The following LNPEP variants were observed in gnomAD, a reference collection of about 807,000 sequenced individuals.
LNPEP encodes leucyl and cystinyl aminopeptidase.
In LNPEP, 64 loss-of-function variants were observed where a neutral mutation model predicts 120.6. That is an observed-to-expected ratio of 0.53 (90% confidence interval 0.43 to 0.65). LNPEP has a LOEUF of 0.65. LNPEP is among the 30% of genes least tolerant of loss of function. LNPEP has a pLI of 0.00. For synonymous variants in LNPEP, 435 were observed against 425.4 expected, an observed-to-expected ratio of 1.02 and a Z score of -0.28; for missense variants, 1,057 against 1,200.0, an observed-to-expected ratio of 0.88 and a Z score of 1.76.
chr5:96,937,346 C>CT (rs1355787633), intron 1 of LNPEP: 1 of 152,178 alleles, frequency 6.6e-6, no homozygotes, highest in Non-Finnish European at 1.5e-5. Context: ...ATGTAGAATG[C>CT]TTTATTCTAC....
chr5:97,004,264 C>T (rs1356607235), intron 9 of LNPEP, among the ~76,000 whole-genome samples: 2 of 152,140 alleles, frequency 1.3e-5, no homozygotes, highest in Non-Finnish European at 2.9e-5. Flanking sequence ...CCTGTAATCC[C>T]AGCACTTTGG....
rs755344838 is a variant in LNPEP, at chr5:97,013,758, T to C, written c.2146T>C (p.Leu716=). 25 of 1,612,226 alleles carry C rather than the reference T, an allele frequency of 1.6e-5. No homozygotes were observed. Among genetic ancestry groups the C allele is most frequent in the Non-Finnish European group, 2.1e-5 (25 of 1,178,914 alleles). The change falls in exon 12 of 18, where the codon TTG becomes CTG. Residue 716 remains leucine (L), a synonymous_variant. Transcript: ENST00000231368. ...TGATTGGGAAGCACTAATCCATCAG[T>C]TGAAAATAAATCCTTATGTTCTGAG... is the stretch of plus-strand genomic sequence containing the variant. ...DDDWEALIHQ[L]KINPYVLSDK...
At chr5:96,947,100 A>G (rs1789202354) in intron 1 of LNPEP, among the ~76,000 whole-genome samples, 1 of 152,198 alleles carries the variant, frequency 6.6e-6, no homozygotes, top group South Asian at 2.1e-4. Context: ...AGATCTTGTG[A>G]AAGTATTTGC....
At chr5:96,950,482 CA>C (rs1198606050) in intron 1 of LNPEP, among the ~76,000 whole-genome samples, 4 of 152,236 alleles carry the variant, frequency 2.6e-5, no homozygotes, top group Non-Finnish European at 5.9e-5. Context: ...ATGGGTCCCA[CA>C]AGCTTTCATG....
In LNPEP at chr5:97,006,128, A is replaced by G; in HGVS notation, c.1841A>G (p.Lys614Arg). 2 of 1,596,570 alleles carry G rather than the reference A, an allele frequency of 1.3e-6. No homozygotes were observed. The highest frequency in any genetic ancestry group is 1.7e-6 in the Non-Finnish European group (2 of 1,170,780). ...ATGATGAAAACCTGGACCCTGCAGA[A>G]AGGATTTCCTTTAGTGACTGTTCAA... is the stretch of plus-strand genomic sequence containing the variant. ...KRMMKTWTLQ[K>R]GFPLVTVQKK... is the part of the protein sequence containing the mutation. Residue 614 changes from lysine (K) to arginine (R), a missense_variant, in exon 10 of 18, where the codon AAA becomes AGA. Physicochemically the swap from Lys to Arg is conservative, Grantham distance 26 (BLOSUM62 2). Coordinates refer to ENST00000231368, the MANE Select transcript of LNPEP (RefSeq NM_005575.3).
At position 97,037,223 on chromosome 5, in the gene LNPEP, CATTTTT is replaced by C. The variant is rs1400982273; in HGVS notation, c.*8693_*8698del. 2.0e-5 allele frequency: 3 copies of C among 152,094 alleles called. No individual in the cohort carries two copies. The highest frequency in any genetic ancestry group is 6.6e-5 in the Admixed American group (1 of 15,246). 9.4% of individuals were successfully genotyped at this position (152,094 alleles called of 1,614,324 possible). ...TACTTGGAAACTTGTAAAGGTATTA[CATTTTT>C]ATATTTAAACACCTATAGAGATCTT... On this transcript the variant is annotated 3_prime_UTR_variant, in exon 18 of 18. Coordinates refer to ENST00000231368, the MANE Select transcript of LNPEP (RefSeq NM_005575.3).
At position 97,003,532 on chromosome 5, in the gene LNPEP, G is replaced by A; in HGVS notation, c.1771G>A (p.Asp591Asn). 1 of 1,599,162 alleles carries A rather than the reference G, an allele frequency of 6.3e-7. No homozygotes were observed. The change falls in exon 9 of 18, where the codon GAT (aspartate) becomes AAT (asparagine). Residue 591 changes from aspartate to asparagine, a missense_variant. By Grantham distance (23) the Asp-to-Asn change is conservative. Coordinates refer to ENST00000231368, the MANE Select transcript of LNPEP (RefSeq NM_005575.3). ...YASIQSDDLW[D>N]SFNEVTNQTL... Reference sequence around the variant, plus strand: ...ATCTATTCAAAGTGATGATCTGTGGGATAGTTTTAATGAGGTAAGTGACCT... The same window carrying A: ...ATCTATTCAAAGTGATGATCTGTGGAATAGTTTTAATGAGGTAAGTGACCT...
chr5:96,982,171 G>A (rs1790143085), intron 2 of LNPEP, among the ~76,000 whole-genome samples: 1 of 152,110 alleles, frequency 6.6e-6, no homozygotes, highest in South Asian at 2.1e-4. Flanking sequence ...AGCAGAGGGA[G>A]AACTCAAACT....
intron 1 of LNPEP, among the ~76,000 whole-genome samples, chr5:96,951,942 T>G (rs1465183866): frequency 2.4e-4 from 37 of 152,312 alleles, no homozygotes; most frequent in Admixed American, 2.4e-3. Context: ...GGGAGTAGTT[T>G]ATCTTCGAAG....
chr5:96,977,242 A>C (rs1790019656), intron 1 of LNPEP, among the ~76,000 whole-genome samples: 1 of 152,108 alleles, frequency 6.6e-6, no homozygotes, highest in Non-Finnish European at 1.5e-5. Context: ...AAGGAAAAAC[A>C]AAAAAACATA....
chr5:96,977,381 A>T (rs1045553528), intron 1 of LNPEP, among the ~76,000 whole-genome samples: 6 of 152,000 alleles, frequency 3.9e-5, no homozygotes, highest in African/African-American at 1.4e-4. Context: ...TGTGGAGGAT[A>T]GCGTGGAATA....
chr5:96,993,017 T>A lies in LNPEP; in HGVS notation c.1134T>A (p.Val378=), dbSNP rs1790427728. The A allele has an allele frequency of 6.3e-7, 1 of 1,577,894 alleles. No individual in the cohort carries two copies. The highest frequency in any genetic ancestry group is 1.9e-5 in the Admixed American group (1 of 52,354). The stretch of plus-strand genomic sequence containing the variant: ...TCATACATAATGTTTTCCTTTAGGT[T>A]TCTATATATGCTGTACCAGAAAAGA... ...NLSQDVNGTL[V]SIYAVPEKIG... The change falls in exon 5 of 18, where the codon GTT becomes GTA. Residue 378 remains valine, a splice_region_variant and synonymous_variant. Transcript: ENST00000231368.
chr5:97,027,676 A>T, intron 16 of LNPEP, 57 bp from the exon 17 acceptor site: 3 of 1,105,586 alleles, frequency 2.7e-6, no homozygotes, highest in Non-Finnish European at 2.8e-6. Context: ...GCACTCAGGA[A>T]CAACGCTTTA....
intron 13 of LNPEP, among the ~76,000 whole-genome samples, chr5:97,015,789 A>C (rs1395408352): frequency 6.6e-6 from 1 of 152,176 alleles, no homozygotes; most frequent in Non-Finnish European, 1.5e-5. Context: ...GGCAAAAGGC[A>C]GCTTTTAGGG....
In LNPEP at chr5:96,977,723, G is replaced by A. The variant is rs116460246; in HGVS notation, c.20-1415G>A. ...CCACCATTACAGTGTTTGTTGAATA[G>A]CACAAAATACATAGCATTTATCTTA... On this transcript the variant is annotated intron_variant, in intron 1 of 17. Coordinates refer to ENST00000231368, the MANE Select transcript of LNPEP (RefSeq NM_005575.3). Among the ~76,000 whole-genome samples the A allele has an allele frequency of 4.7e-3, 709 of 152,176 alleles. 10 individuals are homozygous for A. The highest frequency in any genetic ancestry group is 0.016 in the African/African-American group (674 of 41,538).
intron 1 of LNPEP, among the ~76,000 whole-genome samples, chr5:96,960,466 G>A (rs1789574819): frequency 6.6e-6 from 1 of 152,154 alleles, no homozygotes; most frequent in African/African-American, 2.4e-5. Flanking sequence ...TAAATCTTTA[G>A]TTGTTAATTG....
chr5:96,965,966 G>GT (rs1789715918), intron 1 of LNPEP, among the ~76,000 whole-genome samples: 1 of 151,952 alleles, frequency 6.6e-6, no homozygotes, highest in Non-Finnish European at 1.5e-5. Flanking sequence ...ATGTGCTACG[G>GT]TTTTTGTTTC....
chr5:96,943,106 A>G (rs913006119), intron 1 of LNPEP: 9 of 348,574 alleles, frequency 2.6e-5, no homozygotes, highest in African/African-American at 1.3e-4. Context: ...TGACTTCCAC[A>G]GTCTTTCTGA....
chr5:97,020,569 G>A (rs569842215), intron 13 of LNPEP, among the ~76,000 whole-genome samples: 9 of 152,272 alleles, frequency 5.9e-5, no homozygotes, highest in African/African-American at 9.6e-5. Context: ...TTGGGAGGCC[G>A]AGGCAGGTGG....
Sources: gnomAD v4.1 joint callset for allele counts (sites outside exome capture counted in the v4.1 genomes callset) on GRCh38, gnomAD v4.1.1 for gene constraint, MANE v1.5 for transcripts, NCBI Gene and HGNC (gene_info 2026-07-23, HGNC 2026-07-21) for gene names.